IGFL2: variants seen among roughly 807,000 people sequenced by gnomAD.
IGFL2 encodes insulin growth factor-like family member 2.
IGFL2 carries 7 observed loss-of-function variants against 13.9 expected under a neutral mutation model. The ratio of observed to expected loss-of-function variants is 0.51; its 90% CI spans 0.29 to 0.95. IGFL2 has a LOEUF of 0.95. Ranked by LOEUF, IGFL2 falls within the 40% of genes least tolerant of loss-of-function variation. The pLI is 0.08. For missense variants in IGFL2, 138 were observed against 147.8 expected (o/e 0.93, Z 0.34); for synonymous variants, 55 against 55.8 (o/e 0.99, Z 0.07).
the IGFL2 span, among the ~76,000 whole-genome samples, chr19:46,099,633 A>G: frequency 6.7e-6 from 1 of 149,580 alleles, no homozygotes; most frequent in Non-Finnish European, 1.5e-5. Context: ...AGTTCAAGTG[A>G]TCTCCTGCCT....
At chr19:46,114,079 C>G in the IGFL2 span, among the ~76,000 whole-genome samples, 8 of 152,204 alleles carry the variant, frequency 5.3e-5, no homozygotes, top group Non-Finnish European at 8.8e-5. Context: ...GTCAGACTTT[C>G]TCTGGTAACA....
chr19:46,205,763 C>T, the IGFL2 span, among the ~76,000 whole-genome samples: 2 of 152,176 alleles, frequency 1.3e-5, no homozygotes, highest in Non-Finnish European at 2.9e-5. Context: ...CCAGTGTCAG[C>T]ACTCCCCAAG....
At chr19:46,108,476 A>G in the IGFL2 span, among the ~76,000 whole-genome samples, 2 of 152,204 alleles carry the variant, frequency 1.3e-5, no homozygotes, top group African/African-American at 2.4e-5. Flanking sequence ...GTTTTAGGTC[A>G]GGTGAGAGTT....
the IGFL2 span, among the ~76,000 whole-genome samples, chr19:46,129,332 T>C: frequency 6.6e-6 from 1 of 151,524 alleles, no homozygotes; most frequent in Non-Finnish European, 1.5e-5. Context: ...TGTGTGTGTG[T>C]GTGTGTGTGT....
chr19:46,126,521 T>C, the IGFL2 span, among the ~76,000 whole-genome samples: 1 of 152,254 alleles, frequency 6.6e-6, no homozygotes, highest in Admixed American at 6.5e-5. Context: ...TCTGTGCCTG[T>C]CTCAGAAACA....
chr19:46,101,628 G>T, the IGFL2 span, among the ~76,000 whole-genome samples: 39 of 152,384 alleles, frequency 2.6e-4, no homozygotes, highest in African/African-American at 9.4e-4. Context: ...CCCTTCCCCA[G>T]TGGGGGTTCA....
the IGFL2 span, among the ~76,000 whole-genome samples, chr19:46,086,623 C>T: frequency 6.6e-6 from 1 of 152,206 alleles, no homozygotes; most frequent in Non-Finnish European, 1.5e-5. Flanking sequence ...CACACCTGAC[C>T]TCATAAATTC....
At chr19:46,082,120 C>T in the IGFL2 span, among the ~76,000 whole-genome samples, 2 of 152,146 alleles carry the variant, frequency 1.3e-5, no homozygotes, top group African/African-American at 4.8e-5. Flanking sequence ...TATTCATGTC[C>T]TTGGTTAGCA....
intron 1 of IGFL2, among the ~76,000 whole-genome samples, chr19:46,149,748 A>G (rs565293607): frequency 6.6e-6 from 1 of 152,168 alleles, no homozygotes; most frequent in African/African-American, 2.4e-5. Flanking sequence ...AATTGTATCC[A>G]TGTATCAGCA....
chr19:46,188,031 T>A, the IGFL2 span, among the ~76,000 whole-genome samples: 1 of 152,238 alleles, frequency 6.6e-6, no homozygotes, highest in Non-Finnish European at 1.5e-5. Flanking sequence ...AAATCGGACC[T>A]TGGTGATGAC....
upstream of IGFL2, among the ~76,000 whole-genome samples, chr19:46,143,652 A>G (rs536952211): frequency 7.7e-4 from 118 of 152,320 alleles, no homozygotes; most frequent in African/African-American, 2.7e-3. Flanking sequence ...ACATTGTTCA[A>G]GAGTCAACTG....
chr19:46,171,601 A>G, the IGFL2 span, among the ~76,000 whole-genome samples: 1 of 152,046 alleles, frequency 6.6e-6, no homozygotes, highest in African/African-American at 2.4e-5. Context: ...TCTTCCTTGG[A>G]CTCAGCATAG....
At chr19:46,124,225 A>C in the IGFL2 span, 1 of 1,608,866 alleles carries the variant, frequency 6.2e-7, no homozygotes, top group Non-Finnish European at 8.5e-7. Flanking sequence ...TCTTTTCCCA[A>C]CACCACCTCT....
chr19:46,095,813 T>A, the IGFL2 span, among the ~76,000 whole-genome samples: 6 of 152,192 alleles, frequency 3.9e-5, no homozygotes, highest in Non-Finnish European at 7.3e-5. Flanking sequence ...CTTGTCTGTG[T>A]CAGGTTTGTC....
the IGFL2 span, among the ~76,000 whole-genome samples, chr19:46,115,330 A>G: frequency 6.6e-6 from 1 of 152,168 alleles, no homozygotes; most frequent in Non-Finnish European, 1.5e-5. Context: ...TCTTACAGGG[A>G]AAATGAAAAT....
the IGFL2 span, chr19:46,212,093 C>T: frequency 2.0e-5 from 3 of 151,956 alleles, no homozygotes; most frequent in Non-Finnish European, 4.4e-5. Context: ...TTATGCCCAA[C>T]TGATGGTTTT....
At chr19:46,191,738 G>A in the IGFL2 span, among the ~76,000 whole-genome samples, 114 of 152,118 alleles carry the variant, frequency 7.5e-4, no homozygotes, top group African/African-American at 2.6e-3. Context: ...TGAGCAAACC[G>A]GCTTCTCATG....
the IGFL2 span, among the ~76,000 whole-genome samples, chr19:46,117,906 G>A: frequency 7.2e-5 from 11 of 152,196 alleles, no homozygotes; most frequent in Admixed American, 3.3e-4. Context: ...GCCTTCCTTA[G>A]CCCCTGCTTG....
chr19:46,092,992 A>G, the IGFL2 span, among the ~76,000 whole-genome samples: 82 of 152,344 alleles, frequency 5.4e-4, no homozygotes, highest in African/African-American at 1.9e-3. Context: ...TTAAGACTTC[A>G]AAATGATAAA....
Sources: allele counts gnomAD v4.1 joint callset (sites outside exome capture counted in the v4.1 genomes callset), GRCh38; gene constraint gnomAD v4.1.1; transcripts MANE v1.5; gene names NCBI Gene and HGNC (gene_info 2026-07-23, HGNC 2026-07-21).